RANBP2: variants seen among roughly 807,000 people sequenced by gnomAD.
The protein encoded by RANBP2 is E3 SUMO-protein ligase RanBP2.
A neutral mutation model predicts 303.6 loss-of-function variants in RANBP2; 57 were observed. The ratio of observed to expected loss-of-function variants is 0.19; its 90% CI spans 0.15 to 0.23. RANBP2 has a LOEUF of 0.23. RANBP2 is among the 10% of genes least tolerant of loss of function. RANBP2 has a pLI of 1.00. For missense variants in RANBP2, 3,138 were observed against 3,780.8 expected (o/e 0.83, Z 4.46); for synonymous variants, 1,167 against 1,301.5 (o/e 0.90, Z 2.23).
At chr2:108,938,660 A>G in the RANBP2 span, among the ~76,000 whole-genome samples, 1 of 152,232 alleles carries the variant, frequency 6.6e-6, no homozygotes, top group Non-Finnish European at 1.5e-5. Flanking sequence ...AAGTTTTGAA[A>G]AAAAAAATCC....
chr2:109,495,229 C>T, the RANBP2 span, among the ~76,000 whole-genome samples: 1 of 152,232 alleles, frequency 6.6e-6, no homozygotes, highest in Non-Finnish European at 1.5e-5. Flanking sequence ...ATGGGAAATG[C>T]AGGCAGCAAA....
chr2:109,140,958 C>T, the RANBP2 span, among the ~76,000 whole-genome samples: 7 of 152,154 alleles, frequency 4.6e-5, no homozygotes, highest in East Asian at 7.7e-4. Flanking sequence ...ACCTTCCATC[C>T]GGGGCTGCTG....
chr2:109,294,371 G>T, the RANBP2 span, among the ~76,000 whole-genome samples: 1 of 152,018 alleles, frequency 6.6e-6, no homozygotes. Context: ...GACCAGCTTG[G>T]TCAACATGGT....
At chr2:108,790,130 T>C (rs1346103433), downstream of RANBP2, among the ~76,000 whole-genome samples, 2 of 152,170 alleles carry the variant, frequency 1.3e-5, no homozygotes, top group Non-Finnish European at 2.9e-5. Flanking sequence ...AAATAATAAG[T>C]ACTCAAATGT....
At chr2:108,888,869 A>G in the RANBP2 span, among the ~76,000 whole-genome samples, 16 of 149,280 alleles carry the variant, frequency 1.1e-4, no homozygotes, top group Admixed American at 4.0e-4. Context: ...TTGCTTTTCT[A>G]TTTCTTTGAG....
intron 4 of RANBP2, 181 bp downstream of exon 4, chr2:108,731,655 T>A: frequency 8.2e-7 from 1 of 1,220,814 alleles, no homozygotes; most frequent in African/African-American, 1.6e-5. Context: ...GGCATTGTTA[T>A]ACTTTATAAG....
chr2:109,471,879 G>C, the RANBP2 span, among the ~76,000 whole-genome samples: 1 of 152,218 alleles, frequency 6.6e-6, no homozygotes, highest in Non-Finnish European at 1.5e-5. Flanking sequence ...GACACAGGGA[G>C]AGCAGATGCC....
chr2:109,273,385 G>C, the RANBP2 span, among the ~76,000 whole-genome samples: 2 of 152,218 alleles, frequency 1.3e-5, no homozygotes, highest in Admixed American at 6.5e-5. Flanking sequence ...GCATGGATGA[G>C]GGGGGAGGCA....
the RANBP2 span, among the ~76,000 whole-genome samples, chr2:108,854,033 A>ATATAATATATAATAAATTTATATTATC: frequency 9.2e-6 from 1 of 108,164 alleles, no homozygotes; most frequent in African/African-American, 4.1e-5. Flanking sequence ...TTTATATTAT[A>ATATAATATATAATAAATTTATATTATC]TATAATATAT....
downstream of RANBP2, chr2:108,787,030 C>T (rs897386462): frequency 1.9e-5 from 11 of 567,808 alleles, no homozygotes; most frequent in Non-Finnish European, 2.9e-5. Context: ...GGCCCCGGCA[C>T]TCCCGCCGTG....
the RANBP2 span, among the ~76,000 whole-genome samples, chr2:109,029,816 C>T: frequency 6.6e-6 from 1 of 152,222 alleles, no homozygotes. Context: ...AATCATTGCA[C>T]AATGAAAGGC....
At chr2:108,996,927 G>A in the RANBP2 span, among the ~76,000 whole-genome samples, 15 of 152,194 alleles carry the variant, frequency 9.9e-5, no homozygotes. Context: ...CACATGGGAT[G>A]CTCAGGACCA....
the RANBP2 span, chr2:109,614,843 C>G: frequency 7.1e-7 from 1 of 1,406,436 alleles, no homozygotes; most frequent in African/African-American, 1.5e-5. Flanking sequence ...GCGATCGGCT[C>G]CCCGACGCGG....
At chr2:108,770,313 G>A (rs373196105) in intron 20 of RANBP2, among the ~76,000 whole-genome samples, 2 of 152,088 alleles carry the variant, frequency 1.3e-5, no homozygotes, top group South Asian at 2.1e-4. Context: ...TGTATCTTAC[G>A]GTGTACTGTT....
chr2:109,025,036 G>GT, the RANBP2 span, among the ~76,000 whole-genome samples: 1 of 152,066 alleles, frequency 6.6e-6, no homozygotes, highest in Non-Finnish European at 1.5e-5. Flanking sequence ...CCAGCTGCTG[G>GT]TAACCGTTCC....
At chr2:108,835,515 A>T in the RANBP2 span, among the ~76,000 whole-genome samples, 1 of 152,320 alleles carries the variant, frequency 6.6e-6, no homozygotes, top group East Asian at 1.9e-4. Context: ...ATATATTCAA[A>T]TATTTTTCAC....
chr2:108,820,194 A>T, the RANBP2 span, among the ~76,000 whole-genome samples: 6 of 152,174 alleles, frequency 3.9e-5, no homozygotes, highest in African/African-American at 1.4e-4. Flanking sequence ...GGTCACTTGA[A>T]GCCAGGTGTT....
At chr2:108,849,486 C>T in the RANBP2 span, among the ~76,000 whole-genome samples, 158 of 152,206 alleles carry the variant, frequency 1.0e-3, 1 homozygote, top group Non-Finnish European at 1.7e-3. Context: ...TGGTGACTCT[C>T]CATGACCTTT....
At chr2:109,272,026 T>C in the RANBP2 span, among the ~76,000 whole-genome samples, 3 of 152,316 alleles carry the variant, frequency 2.0e-5, no homozygotes, top group African/African-American at 7.2e-5. Flanking sequence ...ATCTTGACAC[T>C]GAGTGACATT....
Sources: allele counts gnomAD v4.1 joint callset (sites outside exome capture counted in the v4.1 genomes callset), GRCh38; gene constraint gnomAD v4.1.1; transcripts MANE v1.5; gene names NCBI Gene and HGNC (gene_info 2026-07-23, HGNC 2026-07-21).